IQCM: variants seen among roughly 807,000 people sequenced by gnomAD.
The protein encoded by IQCM is IQ motif containing M.
Under a neutral mutation model 57.6 loss-of-function variants are expected in IQCM, and 45 were observed. The observed-to-expected ratio is 0.78, with a 90% CI of 0.62 to 1.00. IQCM has a LOEUF of 1.00. IQCM is among the 50% of genes least tolerant of loss of function. The pLI is 0.00. For missense variants in IQCM, 468 were observed against 511.6 expected (o/e 0.91, Z 0.82); for synonymous variants, 148 against 158.9 (o/e 0.93, Z 0.51).
At chr4:149,516,208 G>T (rs1015253816) in intron 12 of IQCM, among the ~76,000 whole-genome samples, 1 of 152,212 alleles carries the variant, frequency 6.6e-6, no homozygotes, top group Non-Finnish European at 1.5e-5. Context: ...CTGGTGGTAG[G>T]TTGATTATAT....
chr4:149,721,409 A>T (rs1203162639), intron 5 of IQCM, among the ~76,000 whole-genome samples: 1 of 152,010 alleles, frequency 6.6e-6, no homozygotes, highest in Non-Finnish European at 1.5e-5. Context: ...GTACATGGTA[A>T]TCCATAGGTA....
chr4:149,697,917 T>A (rs1424502289), intron 5 of IQCM, among the ~76,000 whole-genome samples: 1 of 152,102 alleles, frequency 6.6e-6, no homozygotes, highest in East Asian at 1.9e-4. Flanking sequence ...AATGGAAACA[T>A]TCTTATTCTC....
intron 7 of IQCM, among the ~76,000 whole-genome samples, chr4:149,631,423 G>GA (rs1757254515): frequency 6.6e-6 from 1 of 152,044 alleles, no homozygotes; most frequent in Non-Finnish European, 1.5e-5. Flanking sequence ...AATAAAATTG[G>GA]AAAAAATATA....
At chr4:149,736,939 T>G (rs1461984676) in intron 3 of IQCM, among the ~76,000 whole-genome samples, 1 of 152,178 alleles carries the variant, frequency 6.6e-6, no homozygotes, top group Admixed American at 6.5e-5. Context: ...ACAGCCCAGA[T>G]ATGTAACAAC....
intron 12 of IQCM, among the ~76,000 whole-genome samples, chr4:149,444,881 T>G (rs1219838029): frequency 6.6e-6 from 1 of 151,922 alleles, no homozygotes; most frequent in East Asian, 1.9e-4. Flanking sequence ...GAAATATTCT[T>G]CAGAAATAGA....
intron 2 of IQCM, among the ~76,000 whole-genome samples, chr4:149,754,732 C>T (rs531673031): frequency 5.9e-5 from 9 of 152,280 alleles, no homozygotes; most frequent in Admixed American, 5.9e-4. Flanking sequence ...ATTGGAATGT[C>T]CCAAGGCTCA....
intron 11 of IQCM, among the ~76,000 whole-genome samples, chr4:149,549,025 T>A (rs1251262747): frequency 6.6e-6 from 1 of 152,236 alleles, no homozygotes; most frequent in Non-Finnish European, 1.5e-5. Flanking sequence ...CCACTTTGGA[T>A]GGCTTATTCT....
At position 149,801,225 on chromosome 4, in the gene IQCM, A is replaced by G. The variant is rs143437091; in HGVS notation, c.-49+14086T>C. Among the ~76,000 whole-genome samples the G allele has an allele frequency of 3.9e-3, 600 of 152,056 alleles. 6 individuals are homozygous for G. The highest frequency in any genetic ancestry group is 0.014 in the African/African-American group (568 of 41,526). The stretch of plus-strand genomic sequence containing the variant: ...AACAAATATGGCTTATATTCAAAAG[A>G]CAGGCAATAACAAATTCTGGTGAGG... On this transcript the variant is annotated intron_variant, in intron 2 of 13. Transcript: ENST00000636793.
chr4:149,723,760 A>G, intron 5 of IQCM, among the ~76,000 whole-genome samples: 1 of 151,592 alleles, frequency 6.6e-6, no homozygotes, highest in South Asian at 2.1e-4. Flanking sequence ...TGTTGTTGTT[A>G]TTTCCTTTCC....
chr4:149,525,695 T>C (rs928342862), intron 12 of IQCM, among the ~76,000 whole-genome samples: 3 of 151,916 alleles, frequency 2.0e-5, no homozygotes, highest in Non-Finnish European at 4.4e-5. Context: ...TATGTGTACC[T>C]TGGAGTTTGA....
At chr4:149,804,105 C>G (rs941679558) in intron 2 of IQCM, among the ~76,000 whole-genome samples, 2 of 151,902 alleles carry the variant, frequency 1.3e-5, no homozygotes, top group South Asian at 4.1e-4. Flanking sequence ...GTTGGTTAGG[C>G]TTTTGTAAAA....
At chr4:149,439,714 T>C (rs1735719773) in intron 12 of IQCM, among the ~76,000 whole-genome samples, 1 of 152,138 alleles carries the variant, frequency 6.6e-6, no homozygotes, top group South Asian at 2.1e-4. Context: ...AATCCATTAA[T>C]GAGACTTTGC....
At chr4:149,569,998 G>A (rs988209625) in intron 9 of IQCM, among the ~76,000 whole-genome samples, 3 of 151,784 alleles carry the variant, frequency 2.0e-5, no homozygotes, top group Non-Finnish European at 4.4e-5. Flanking sequence ...CCTTTAAATA[G>A]TATATAAATG....
intron 9 of IQCM, among the ~76,000 whole-genome samples, chr4:149,570,891 A>T (rs1751092979): frequency 6.6e-6 from 1 of 152,112 alleles, no homozygotes; most frequent in Admixed American, 6.6e-5. Flanking sequence ...AACATATATG[A>T]AAAAATGCTC....
At chr4:149,376,044 G>T (rs1730679588) in intron 13 of IQCM, among the ~76,000 whole-genome samples, 1 of 151,968 alleles carries the variant, frequency 6.6e-6, no homozygotes, top group African/African-American at 2.4e-5. Context: ...CTCTGTTTGG[G>T]AATTCTGTAA....
At chr4:149,780,606 G>C (rs1771519931) in intron 2 of IQCM, among the ~76,000 whole-genome samples, 1 of 151,696 alleles carries the variant, frequency 6.6e-6, no homozygotes, top group South Asian at 2.1e-4. Context: ...AAACTTACTG[G>C]TAAAAGTAAA....
intron 10 of IQCM, among the ~76,000 whole-genome samples, chr4:149,556,087 A>T (rs961810749): frequency 6.6e-6 from 1 of 152,210 alleles, no homozygotes; most frequent in African/African-American, 2.4e-5. Context: ...ATCTTTCACT[A>T]TAAGTCTAAA....
At chr4:149,773,970 G>C (rs557698326) in intron 2 of IQCM, among the ~76,000 whole-genome samples, 3 of 152,190 alleles carry the variant, frequency 2.0e-5, no homozygotes, top group Admixed American at 2.0e-4. Flanking sequence ...GTAATGCTGA[G>C]CTCATCTAGC....
chr4:149,503,414 C>A (rs1743469290), intron 12 of IQCM, among the ~76,000 whole-genome samples: 1 of 152,054 alleles, frequency 6.6e-6, no homozygotes, highest in Non-Finnish European at 1.5e-5. Flanking sequence ...TCCTCATCAT[C>A]CAGATTAAAG....
Sources: allele counts gnomAD v4.1 joint callset (sites outside exome capture counted in the v4.1 genomes callset), GRCh38; gene constraint gnomAD v4.1.1; transcripts MANE v1.5; gene names NCBI Gene and HGNC (gene_info 2026-07-23, HGNC 2026-07-21).